The following DPEP2 variants were observed in gnomAD, a reference collection of about 807,000 sequenced individuals.
DPEP2 encodes the protein dipeptidase 2.
Under a neutral mutation model 51.8 loss-of-function variants are expected in DPEP2, and 45 were observed. The ratio of observed to expected loss-of-function variants is 0.87; its 90% CI spans 0.68 to 1.11. The LOEUF is 1.11. Among genes scored for constraint, DPEP2 ranks in the 50% most tolerant of loss-of-function variants. The probability of loss-of-function intolerance (pLI) is 0.00; values close to 1 mark genes in which losing one functional copy is unlikely to be tolerated. For missense variants in DPEP2, 604 were observed against 631.9 expected (o/e 0.96, Z 0.47); for synonymous variants, 255 against 262.7 (o/e 0.97, Z 0.28).
chr16:67,993,091 CT>C lies in DPEP2; in HGVS notation c.121del (p.Arg41GlufsTer39), dbSNP rs2032387598. 1.9e-6 allele frequency: 3 copies of C among 1,568,204 alleles called. No homozygotes were observed. The East Asian group carries it at 7.1e-5, about 37-fold the overall frequency. On this transcript the variant is annotated frameshift_variant, in exon 2 of 11. Transcript: ENST00000393847. LOFTEE classifies it high-confidence loss of function. ...TCAYTTPGPP[R>X]ALTTLGAPRA... The stretch of plus-strand genomic sequence containing the variant: ...GGGGGCGCCCAGCGTGGTGAGGGCT[CT>C]GGGGGGGCCTGGCGTGGTGTAGGCA...
At position 67,987,653 on chromosome 16, in the gene DPEP2, A is replaced by G. The variant is rs759244487; in HGVS notation, c.1314T>C (p.Ser438=). 6.2e-7 allele frequency: 1 copy of G among 1,614,030 alleles called. No individual in the cohort carries two copies. The highest frequency in any genetic ancestry group is 1.7e-4 in the Middle Eastern group (1 of 6,060). Residue 438 remains serine (S), a synonymous_variant, in exon 11 of 11, where the codon AGT becomes AGC. Transcript: ENST00000393847. Reference sequence around the variant, plus strand: ...CAGTGAGTTCCTGGCCTGAAGTCAGACTCTGTCTCTGACGCAGACGTGAGA... The same window carrying G: ...CAGTGAGTTCCTGGCCTGAAGTCAGGCTCTGTCTCTGACGCAGACGTGAGA... ...SDLSRLRQRQ[S]LTSGQELTEI...
chr16:67,989,329 G>C lies in DPEP2; in HGVS notation c.1064C>G (p.Ala355Gly). 3 of 1,614,178 alleles carry C rather than the reference G, an allele frequency of 1.9e-6. No individual in the cohort carries two copies. Among genetic ancestry groups the C allele is most frequent in the Non-Finnish European group, 2.5e-6 (3 of 1,180,024 alleles). ...CCACAGGGAAGGCACTCACTTGCCG[G>C]CCCCATCATAATCTCCACCAATCCC... ...FIGIGGDYDG[A>G]GKFPQGLEDV... Residue 355 changes from alanine (A) to glycine (G), a missense_variant, in exon 9 of 11, where the codon GCC becomes GGC. By Grantham distance (60) the Ala-to-Gly change is moderately conservative. Transcript: ENST00000393847.
chr16:68,000,025 C>T (rs1356036973), upstream of DPEP2, among the ~76,000 whole-genome samples: 1 of 152,178 alleles, frequency 6.6e-6, no homozygotes, highest in Non-Finnish European at 1.5e-5. Context: ...AGTCTGCTCT[C>T]ACCAGCCTCT....
At position 67,992,072 on chromosome 16, in the gene DPEP2, G is replaced by GA. The variant is rs1345513626; in HGVS notation, c.511dup (p.Ser171PhefsTer3). ...CCCATCAACTTGCCTACCTTTAGCC[G>GA]AGGTCACAAGCTCCAGCTCAGAATA... On this transcript the variant is annotated frameshift_variant, in exon 4 of 11. Coordinates refer to ENST00000393847, the MANE Select transcript of DPEP2 (RefSeq NM_022355.4). LOFTEE classifies it high-confidence loss of function. The GA allele has an allele frequency of 1.9e-6, 3 of 1,614,118 alleles. No individual in the cohort carries two copies. The highest frequency in any genetic ancestry group is 2.5e-6 in the Non-Finnish European group (3 of 1,180,028).
In DPEP2 at chr16:67,992,767, C is replaced by A; in HGVS notation, c.264-131G>T. On this transcript the variant is annotated intron_variant, in intron 2 of 10. Coordinates refer to ENST00000393847, the MANE Select transcript of DPEP2 (RefSeq NM_022355.4). ...ATGACTATACTGAGATCCCCTGAGG[C>A]CCGGGCTAGGAGTGCCCACCCAAGA... 3 of 1,505,376 alleles carry A rather than the reference C, an allele frequency of 2.0e-6. No individual in the cohort carries two copies. The South Asian group carries it at 3.9e-5, about 19-fold the overall frequency. 93.3% of individuals were successfully genotyped at this position (1,505,376 alleles called of 1,614,324 possible).
At chr16:67,993,710 CAT>C (rs2032476385) in intron 1 of DPEP2, 2 of 986,490 alleles carry the variant, frequency 2.0e-6, no homozygotes, top group Middle Eastern at 5.1e-4. Context: ...CCCAGGGCCA[CAT>C]GTGTCCCTGT....
At chr16:67,989,484 C>G (rs1027947661) in intron 8 of DPEP2, 86 bp from the exon 9 acceptor site, 19 of 1,417,100 alleles carry the variant, frequency 1.3e-5, no homozygotes, top group Non-Finnish European at 1.9e-5. Context: ...GAGTCTCCTT[C>G]TTGCAGCCTG....
chr16:67,989,496 G>T, intron 8 of DPEP2, 98 bp from the exon 9 acceptor site: 1 of 1,284,350 alleles, frequency 7.8e-7, no homozygotes, highest in Non-Finnish European at 1.1e-6. Context: ...TGCAGCCTGT[G>T]GGCCAGGCAG....
At chr16:67,993,333 C>T (rs1355721429) in intron 1 of DPEP2, 76 bp from the exon 2 acceptor site, 3 of 1,325,046 alleles carry the variant, frequency 2.3e-6, no homozygotes, top group East Asian at 3.0e-5. Context: ...GCGGCGTGGC[C>T]TCAAGAGGAG....
chr16:67,992,074 G>C lies in DPEP2; in HGVS notation c.510C>G (p.Thr170=), dbSNP rs150749878. The C allele has an allele frequency of 2.5e-6, 4 of 1,614,032 alleles. No individual in the cohort carries two copies. The highest frequency in any genetic ancestry group is 3.4e-6 in the Non-Finnish European group (4 of 1,180,042). The change falls in exon 4 of 11, where the codon ACC becomes ACG. Residue 170 remains threonine, a synonymous_variant. Transcript: ENST00000393847. Reference sequence around the variant, plus strand: ...CATCAACTTGCCTACCTTTAGCCGAGGTCACAAGCTCCAGCTCAGAATAGG... The same window carrying C: ...CATCAACTTGCCTACCTTTAGCCGACGTCACAAGCTCCAGCTCAGAATAGG... ...CASYSELELV[T]SAKALNDTQK...
intron 1 of DPEP2, among the ~76,000 whole-genome samples, chr16:67,996,680 C>T (rs1393058371): frequency 6.6e-6 from 1 of 152,018 alleles, no homozygotes; most frequent in Non-Finnish European, 1.5e-5. Context: ...CCGCACTCGG[C>T]CAACTTTTTG....
intron 1 of DPEP2, 104 bp from the exon 2 acceptor site, chr16:67,993,361 GC>G: frequency 7.7e-7 from 1 of 1,303,380 alleles, no homozygotes; most frequent in Non-Finnish European, 9.7e-7. Flanking sequence ...AAGTCACAGG[GC>G]CCCGCGAAGG....
At position 67,988,403 on chromosome 16, in the gene DPEP2, AAG is replaced by A. The variant is rs373424740; in HGVS notation, c.1071-418_1071-417del. On this transcript the variant is annotated intron_variant, in intron 9 of 10. Coordinates refer to ENST00000393847, the MANE Select transcript of DPEP2 (RefSeq NM_022355.4). ...CTACTAAAAAGACAAAAAAGAAAGA[AAG>A]AAAGAAAGGAAAGAAAGGAAAGAAA... Among the ~76,000 whole-genome samples, 690 of 150,034 alleles carry A rather than the reference AAG, an allele frequency of 4.6e-3. 9 individuals carry two copies. Among genetic ancestry groups the A allele is most frequent in the African/African-American group, 0.016 (637 of 39,662 alleles).
rs372211741 is a variant in DPEP2, at chr16:67,990,077, T to C, written c.964A>G (p.Asn322Asp). The C allele has an allele frequency of 2.5e-6, 4 of 1,614,048 alleles. No individual in the cohort carries two copies. The African/African-American group carries it at 5.3e-5, about 22-fold the overall frequency. Residue 322 changes from asparagine (N) to aspartate (D), a missense_variant, in exon 8 of 11, where the codon AAC becomes GAC. Physicochemically the swap from Asn to Asp is conservative, Grantham distance 23 (BLOSUM62 1). Coordinates refer to ENST00000393847, the MANE Select transcript of DPEP2 (RefSeq NM_022355.4). ...ACAGTGGACACATTGGCTGATGGGTTGCACTGTATTACTCCCATGGACAAA... is the reference window on the plus strand; with the variant it reads ...ACAGTGGACACATTGGCTGATGGGTCGCACTGTATTACTCCCATGGACAAA... ...VSLSMGVIQC[N>D]PSANVSTVAD...
At chr16:68,000,585 C>T (rs937906697), upstream of DPEP2, 10 of 820,218 alleles carry the variant, frequency 1.2e-5, no homozygotes, top group Admixed American at 6.2e-5. Flanking sequence ...AAACAATAGT[C>T]TTCCAAGCCA....
intron 1 of DPEP2, among the ~76,000 whole-genome samples, chr16:67,998,274 G>A (rs1232210055): frequency 6.6e-6 from 1 of 150,754 alleles, no homozygotes; most frequent in Admixed American, 6.6e-5. Context: ...CTGGAGTTTC[G>A]GGTGGGCGTG....
At chr16:67,998,778 A>G (rs1288175290) in intron 1 of DPEP2, among the ~76,000 whole-genome samples, 3 of 152,216 alleles carry the variant, frequency 2.0e-5, no homozygotes, top group African/African-American at 7.2e-5. Flanking sequence ...AAACACACCA[A>G]TCAGCACCCT....
Position 67,993,135 on chromosome 16 carries a change from CAGCAGCAGCAGG to C in DPEP2, c.66_77del (p.Leu24_Leu27del). On this transcript the variant is annotated inframe_deletion, in exon 2 of 11. Coordinates refer to ENST00000393847, the MANE Select transcript of DPEP2 (RefSeq NM_022355.4). ...TGTAGGCACAGGTTACAGGCTGGAGCAGCAGCAGCAGGAGCAGCAGACTCAGCAGAGGCCACC... is the reference window on the plus strand; with the variant it reads ...TGTAGGCACAGGTTACAGGCTGGAGCAGCAGCAGACTCAGCAGAGGCCACC... 6.5e-7 allele frequency: 1 copy of C among 1,530,858 alleles called. No homozygotes were observed. Among genetic ancestry groups the C allele is most frequent in the Non-Finnish European group, 8.8e-7 (1 of 1,136,356 alleles). The allele number at this position is 1,530,858 out of a possible 1,614,324, so 94.8% of individuals were successfully genotyped here.
In DPEP2 at chr16:67,993,105, C is replaced by T. The variant is rs774903982; in HGVS notation, c.108G>A (p.Thr36=). The T allele has an allele frequency of 1.3e-6, 2 of 1,564,588 alleles. No homozygotes were observed. Among genetic ancestry groups the T allele is most frequent in the Admixed American group, 1.9e-5 (1 of 52,412 alleles). ...TGGTGAGGGCTCTGGGGGGGCCTGG[C>T]GTGGTGTAGGCACAGGTTACAGGCT... ...LLQPVTCAYT[T]PGPPRALTTL... The change falls in exon 2 of 11, where the codon ACG becomes ACA. Residue 36 remains threonine, a synonymous_variant. Coordinates refer to ENST00000393847, the MANE Select transcript of DPEP2 (RefSeq NM_022355.4).
Sources: allele counts gnomAD v4.1 joint callset (sites outside exome capture counted in the v4.1 genomes callset), GRCh38; gene constraint gnomAD v4.1.1; transcripts MANE v1.5; gene names NCBI Gene and HGNC (gene_info 2026-07-23, HGNC 2026-07-21).